Variants in DOCK3 observed in about 807,000 individuals in gnomAD.
DOCK3 encodes dedicator of cytokinesis 3, also known as dedicator of cytokinesis protein 3.
DOCK3 carries 60 observed loss-of-function variants against 265.6 expected under a neutral mutation model. That is an observed-to-expected ratio of 0.23 (90% confidence interval 0.18 to 0.28). DOCK3 has a LOEUF of 0.28. Among genes scored for constraint, DOCK3 ranks in the 10% least tolerant of loss-of-function variants. DOCK3 has a pLI of 1.00. For synonymous variants in DOCK3, 881 were observed against 938.0 expected (o/e 0.94, Z 1.11); for missense variants, 1,981 against 2,594.3 (o/e 0.76, Z 5.14).
chr3:51,251,051 G>A (rs2079193454), intron 22 of DOCK3, among the ~76,000 whole-genome samples: 1 of 152,030 alleles, frequency 6.6e-6, no homozygotes, highest in Admixed American at 6.6e-5. Flanking sequence ...TCCAGTGTGT[G>A]ATGTTCCCCA....
chr3:51,093,696 CTAA>C (rs1273839668), intron 9 of DOCK3, among the ~76,000 whole-genome samples: 43 of 152,176 alleles, frequency 2.8e-4, no homozygotes, highest in Admixed American at 2.8e-3. Context: ...GCCAGAACTT[CTAA>C]TACTATGTTG....
chr3:51,241,065 G>C (rs1377280962), intron 21 of DOCK3, among the ~76,000 whole-genome samples: 1 of 152,160 alleles, frequency 6.6e-6, no homozygotes, highest in Non-Finnish European at 1.5e-5. Context: ...GCTGGTATTG[G>C]TCTTTTCTTT....
chr3:50,812,086 A>C (rs2043793923), intron 2 of DOCK3, among the ~76,000 whole-genome samples: 1 of 152,222 alleles, frequency 6.6e-6, no homozygotes, highest in Non-Finnish European at 1.5e-5. Context: ...AACTTGCCAG[A>C]GGGCATGCGT....
chr3:51,050,830 T>C (rs190236172), intron 5 of DOCK3, among the ~76,000 whole-genome samples: 6 of 152,346 alleles, frequency 3.9e-5, no homozygotes, highest in African/African-American at 1.2e-4. Context: ...AAAAATATTT[T>C]ACTAGATATT....
At chr3:51,168,032 CT>C (rs1330690624) in intron 12 of DOCK3, among the ~76,000 whole-genome samples, 1 of 152,098 alleles carries the variant, frequency 6.6e-6, no homozygotes, top group Non-Finnish European at 1.5e-5. Flanking sequence ...AGAAAAAAGG[CT>C]TTTAGCTTTT....
intron 2 of DOCK3, among the ~76,000 whole-genome samples, chr3:50,791,661 T>C (rs1250516298): frequency 6.6e-6 from 1 of 152,218 alleles, no homozygotes; most frequent in African/African-American, 2.4e-5. Context: ...TAGCCAGTTA[T>C]CCCAGCACCA....
chr3:51,294,062 C>T (rs1251748228), intron 27 of DOCK3, among the ~76,000 whole-genome samples: 1 of 152,082 alleles, frequency 6.6e-6, no homozygotes, highest in African/African-American at 2.4e-5. Context: ...ATAGAATTAC[C>T]ATATAATCCA....
chr3:51,327,337 C>T (rs565941891), intron 32 of DOCK3, among the ~76,000 whole-genome samples: 34 of 152,218 alleles, frequency 2.2e-4, no homozygotes, highest in Non-Finnish European at 3.2e-4. Context: ...TACCACCATT[C>T]CTATTTCACA....
intron 3 of DOCK3, among the ~76,000 whole-genome samples, chr3:50,855,110 G>A (rs1216124566): frequency 2.6e-5 from 4 of 151,984 alleles, no homozygotes; most frequent in African/African-American, 9.7e-5. Flanking sequence ...TGGCTATTCA[G>A]GTGCTTTTTT....
intron 1 of DOCK3, among the ~76,000 whole-genome samples, chr3:50,681,162 A>G (rs1451627832): frequency 6.6e-6 from 1 of 152,088 alleles, no homozygotes; most frequent in East Asian, 1.9e-4. Flanking sequence ...AGTTCGTTTT[A>G]TCATGCAGTA....
At chr3:51,140,789 T>C (rs1450143438) in intron 9 of DOCK3, among the ~76,000 whole-genome samples, 1 of 152,182 alleles carries the variant, frequency 6.6e-6, no homozygotes, top group East Asian at 1.9e-4. Flanking sequence ...AATAAAGCCA[T>C]TCTAGAGGTG....
intron 25 of DOCK3, among the ~76,000 whole-genome samples, chr3:51,276,025 A>G (rs903969211): frequency 2.0e-5 from 3 of 152,242 alleles, no homozygotes; most frequent in African/African-American, 7.2e-5. Flanking sequence ...TTAGGTTGCT[A>G]GAGAATAGAA....
intron 9 of DOCK3, among the ~76,000 whole-genome samples, chr3:51,141,191 T>A (rs2085047257): frequency 1.2e-4 from 5 of 41,216 alleles, no homozygotes. Flanking sequence ...ATATTTTCTT[T>A]CTTTTTTTTT....
In DOCK3 at chr3:51,013,271, C is replaced by G. The variant is rs578084651; in HGVS notation, c.316-51177C>G. Among the ~76,000 whole-genome samples, 171 of 152,258 alleles carry G rather than the reference C, an allele frequency of 1.1e-3. 2 individuals are homozygous for G. Among genetic ancestry groups the G allele is most frequent in the Admixed American group, 2.0e-3 (30 of 15,284 alleles). On this transcript the variant is annotated intron_variant, in intron 5 of 52. Coordinates refer to ENST00000266037, the MANE Select transcript of DOCK3 (RefSeq NM_004947.5). The stretch of plus-strand genomic sequence containing the variant: ...TTTAGCCTTTCTGCTCTGGTTTCTC[C>G]CCATCTTTGTGGTTTTATCTACCTT...
intron 14 of DOCK3, among the ~76,000 whole-genome samples, chr3:51,218,049 C>T (rs556074645): frequency 2.0e-5 from 3 of 151,944 alleles, no homozygotes; most frequent in South Asian, 4.2e-4. Flanking sequence ...ACCTGGGAGG[C>T]GGAGGTTGCA....
At chr3:50,827,914 C>T (rs967666103) in intron 2 of DOCK3, among the ~76,000 whole-genome samples, 4 of 151,678 alleles carry the variant, frequency 2.6e-5, no homozygotes, top group African/African-American at 9.7e-5. Flanking sequence ...TTTTGCTTTT[C>T]CCTTAGTGAT....
intron 14 of DOCK3, among the ~76,000 whole-genome samples, chr3:51,217,832 G>A (rs921736275): frequency 6.6e-6 from 1 of 152,106 alleles, no homozygotes; most frequent in Non-Finnish European, 1.5e-5. Flanking sequence ...AAACCTCTAG[G>A]TCAGGCCAGG....
At chr3:51,210,003 T>A in intron 13 of DOCK3, among the ~76,000 whole-genome samples, 1 of 152,224 alleles carries the variant, frequency 6.6e-6, no homozygotes, top group Non-Finnish European at 1.5e-5. Context: ...TTTAAAAATA[T>A]AGGAAAGTTA....
In DOCK3 at chr3:51,357,961, G is replaced by C. The variant is rs1300677661; in HGVS notation, c.4768G>C (p.Val1590Leu). Reference sequence around the variant, plus strand: ...GTGGCCTTGTTTGTGACTCTGATAGGTTCATGTCCTTGGAGTTGGGCTAGC... The same window carrying C: ...GTGGCCTTGTTTGTGACTCTGATAGCTTCATGTCCTTGGAGTTGGGCTAGC... The part of the protein sequence containing the change: ...TQLKELMQEQ[V>L]HVLGVGLAVH... The change falls in exon 46 of 53, where the codon GTT (valine) becomes CTT (leucine). Residue 1590 changes from valine to leucine, a missense_variant and splice_region_variant. Val to Leu is a conservative substitution (Grantham distance 32, BLOSUM62 1). Coordinates refer to ENST00000266037, the MANE Select transcript of DOCK3 (RefSeq NM_004947.5). 1 of 1,613,996 alleles carries C rather than the reference G, an allele frequency of 6.2e-7. No individual in the cohort carries two copies. The highest frequency in any genetic ancestry group is 1.7e-5 in the Admixed American group (1 of 60,032).
Sources: gnomAD v4.1 joint callset for allele counts (sites outside exome capture counted in the v4.1 genomes callset) on GRCh38, gnomAD v4.1.1 for gene constraint, MANE v1.5 for transcripts, NCBI Gene and HGNC (gene_info 2026-07-23, HGNC 2026-07-21) for gene names.